The following SLC4A4 variants were observed in gnomAD, a reference collection of about 807,000 sequenced individuals.
SLC4A4 encodes electrogenic sodium bicarbonate cotransporter 1.
Under a neutral mutation model 111.5 loss-of-function variants are expected in SLC4A4, and 27 were observed. The ratio of observed to expected loss-of-function variants is 0.24; its 90% CI spans 0.18 to 0.33. The LOEUF is 0.33. Among genes scored for constraint, SLC4A4 ranks in the 10% least tolerant of loss-of-function variants. The pLI is 1.00. For missense variants in SLC4A4, 909 were observed against 1,315.5 expected, an observed-to-expected ratio of 0.69 and a Z score of 4.78; for synonymous variants, 443 against 463.4, an observed-to-expected ratio of 0.96 and a Z score of 0.57.
At chr4:71,413,194 A>T (rs1721520213) in intron 7 of SLC4A4, among the ~76,000 whole-genome samples, 1 of 152,210 alleles carries the variant, frequency 6.6e-6, no homozygotes, top group East Asian at 1.9e-4. Flanking sequence ...AAAATCTGCT[A>T]AATAAATAAT....
chr4:71,443,697 G>C (rs1049208478), intron 8 of SLC4A4, among the ~76,000 whole-genome samples: 3 of 152,114 alleles, frequency 2.0e-5, no homozygotes, highest in African/African-American at 7.2e-5. Context: ...ATCTTGATTT[G>C]CACATGTAAG....
At chr4:71,075,333 C>A (rs1403837467) in intron 1 of SLC4A4, among the ~76,000 whole-genome samples, 1 of 152,150 alleles carries the variant, frequency 6.6e-6, no homozygotes, top group Non-Finnish European at 1.5e-5. Flanking sequence ...TCCATTTCAT[C>A]CCAGATGGAC....
At position 71,390,760 on chromosome 4, in the gene SLC4A4, GC is replaced by G. The variant is rs1229012720; in HGVS notation, c.731-6816del. The stretch of plus-strand genomic sequence containing the variant: ...GCCATGATGAAGTTTATGTGTTTAT[GC>G]AAATAACACAGAGAGATAAGTTTCC... On this transcript the variant is annotated intron_variant, in intron 6 of 25. Coordinates refer to ENST00000264485, the MANE Select transcript of SLC4A4 (RefSeq NM_001098484.3). Among the ~76,000 whole-genome samples the G allele has an allele frequency of 2.0e-5, 3 of 152,016 alleles. 1 individual carries two copies. The highest frequency in any genetic ancestry group is 4.4e-5 in the Non-Finnish European group (3 of 67,970).
At chr4:71,327,183 AC>A (rs1463783172) in intron 3 of SLC4A4, among the ~76,000 whole-genome samples, 1 of 152,020 alleles carries the variant, frequency 6.6e-6, no homozygotes, top group Admixed American at 6.6e-5. Flanking sequence ...CTATACCAAA[AC>A]CAAAAGGGTA....
chr4:71,277,647 T>G (rs1163803885), intron 3 of SLC4A4, among the ~76,000 whole-genome samples: 1 of 150,964 alleles, frequency 6.6e-6, no homozygotes, highest in Non-Finnish European at 1.5e-5. Context: ...CATTCACTTC[T>G]CTCTCCTTCT....
At chr4:71,234,684 C>G (rs138089757) in intron 1 of SLC4A4, among the ~76,000 whole-genome samples, 5 of 152,116 alleles carry the variant, frequency 3.3e-5, no homozygotes, top group Non-Finnish European at 7.4e-5. Flanking sequence ...CTTGGCCTGC[C>G]GAGGGATTAC....
At chr4:71,188,466 T>A (rs575993456) in intron 1 of SLC4A4, among the ~76,000 whole-genome samples, 19 of 152,308 alleles carry the variant, frequency 1.2e-4, no homozygotes, top group African/African-American at 4.6e-4. Context: ...CCTGGAAAGT[T>A]GCTCCTAATG....
chr4:71,275,966 C>T (rs76878373), intron 3 of SLC4A4, among the ~76,000 whole-genome samples: 3,825 of 152,238 alleles, frequency 0.025, 99 homozygotes, highest in East Asian at 0.11. Flanking sequence ...TCTCCTGAAA[C>T]GAATGAACAT....
chr4:71,492,710 A>G (rs1730047062), intron 15 of SLC4A4, among the ~76,000 whole-genome samples: 1 of 151,984 alleles, frequency 6.6e-6, no homozygotes, highest in African/African-American at 2.4e-5. Flanking sequence ...AAAGAAATGC[A>G]CATCTAAAGT....
intron 2 of SLC4A4, among the ~76,000 whole-genome samples, chr4:71,253,569 A>G (rs1721231121): frequency 6.6e-6 from 1 of 152,192 alleles, no homozygotes; most frequent in South Asian, 2.1e-4. Context: ...GGCTTTGCTC[A>G]CTTACATTGT....
intron 1 of SLC4A4, among the ~76,000 whole-genome samples, chr4:71,230,566 C>T (rs1014821346): frequency 3.9e-5 from 6 of 152,172 alleles, no homozygotes; most frequent in African/African-American, 1.4e-4. Context: ...AGTTGAAATA[C>T]AAGATTAGCT....
chr4:71,334,637 A>G (rs745582559), intron 3 of SLC4A4, among the ~76,000 whole-genome samples: 13 of 152,198 alleles, frequency 8.5e-5, no homozygotes, highest in Admixed American at 5.2e-4. Context: ...TTAATCCCCC[A>G]AAATTGATAT....
rs1742702533 is a variant in SLC4A4, at chr4:71,100,664, T to C, written c.-2+7872T>C. 2.0e-5 allele frequency among the ~76,000 whole-genome samples: 3 copies of C among 152,168 alleles called. No homozygotes were observed. In the South Asian group the frequency reaches 6.2e-4, roughly 31 times the overall value. ...AAGAGAGGAAGTCAAACTGTCCCTG[T>C]TTGCAGATGGCATAATACTGTATCT... On this transcript the variant is annotated intron_variant, in intron 2 of 26. Transcript: ENST00000649996.
At chr4:71,550,935 C>A (rs1353951824) in intron 20 of SLC4A4, among the ~76,000 whole-genome samples, 2 of 151,878 alleles carry the variant, frequency 1.3e-5, no homozygotes, top group Non-Finnish European at 2.9e-5. Flanking sequence ...TTGACCCTAG[C>A]CAGCAACAGT....
intron 6 of SLC4A4, among the ~76,000 whole-genome samples, chr4:71,384,265 G>A (rs1164622586): frequency 6.6e-6 from 1 of 152,312 alleles, no homozygotes; most frequent in African/African-American, 2.4e-5. Context: ...AATGGGACAG[G>A]TTGTACCCTA....
chr4:71,265,935 C>T (rs539402809), intron 3 of SLC4A4, among the ~76,000 whole-genome samples: 1 of 152,258 alleles, frequency 6.6e-6, no homozygotes, highest in East Asian at 1.9e-4. Flanking sequence ...TCTTTTTAAA[C>T]ATACCCTAGT....
chr4:71,439,090 C>CAA (rs1229172848), intron 7 of SLC4A4, among the ~76,000 whole-genome samples: 4 of 151,792 alleles, frequency 2.6e-5, no homozygotes, highest in African/African-American at 9.7e-5. Context: ...CAACATTTCT[C>CAA]AAAACAATTA....
chr4:71,157,700 AT>A (rs1285485642), intron 2 of SLC4A4, among the ~76,000 whole-genome samples: 1 of 152,020 alleles, frequency 6.6e-6, no homozygotes, highest in Non-Finnish European at 1.5e-5. Flanking sequence ...TGATCTTTGG[AT>A]TTTGTGTACC....
At chr4:71,097,233 G>A (rs1026213950) in intron 2 of SLC4A4, among the ~76,000 whole-genome samples, 1 of 152,028 alleles carries the variant, frequency 6.6e-6, no homozygotes, top group Admixed American at 6.6e-5. Context: ...GTTCATGAGT[G>A]CTCCTCATTT....
Sources: gnomAD v4.1 joint callset for allele counts (sites outside exome capture counted in the v4.1 genomes callset) on GRCh38, gnomAD v4.1.1 for gene constraint, MANE v1.5 for transcripts, NCBI Gene and HGNC (gene_info 2026-07-23, HGNC 2026-07-21) for gene names.